The following BMP2K variants were observed in gnomAD, a reference collection of about 807,000 sequenced individuals.
BMP2K encodes the protein BMP-2-inducible protein kinase.
A neutral mutation model predicts 116.0 loss-of-function variants in BMP2K; 74 were observed. The ratio of observed to expected loss-of-function variants is 0.64; its 90% CI spans 0.53 to 0.77. BMP2K has a LOEUF of 0.77. Ranked by LOEUF, BMP2K falls within the 30% of genes least tolerant of loss-of-function variation. The pLI, the probability that BMP2K is intolerant of heterozygous loss-of-function variation, is 0.00. For missense variants in BMP2K, 1,365 were observed against 1,403.6 expected (o/e 0.97, Z 0.44); for synonymous variants, 486 against 502.5 (o/e 0.97, Z 0.44).
chr4:78,785,403 C>T (rs57574345), intron 1 of BMP2K, among the ~76,000 whole-genome samples: 9,725 of 152,096 alleles, frequency 0.064, 430 homozygotes, highest in East Asian at 0.22. Context: ...TGAGCCACTG[C>T]GCCCGGCCTA....
rs182977392 is a variant in BMP2K at position 78,804,414 on chromosome 4, G to A, written c.179-21623G>A. Among the ~76,000 whole-genome samples, 395 of 152,050 alleles carry A rather than the reference G, an allele frequency of 2.6e-3. 1 individual carries two copies. The highest frequency in any genetic ancestry group is 4.5e-3 in the Non-Finnish European group (303 of 67,966). On this transcript the variant is annotated intron_variant, in intron 1 of 15. Coordinates refer to ENST00000502613, the MANE Select transcript of BMP2K (RefSeq NM_198892.2). ...TGAACATTTACGTAAAATTTTTTGCGTGGATATATATTTTAGATTGTTCTA... is the reference window on the plus strand; with the variant it reads ...TGAACATTTACGTAAAATTTTTTGCATGGATATATATTTTAGATTGTTCTA...
intron 1 of BMP2K, among the ~76,000 whole-genome samples, chr4:78,795,572 A>G (rs1728216049): frequency 6.6e-6 from 1 of 152,158 alleles, no homozygotes; most frequent in African/African-American, 2.4e-5. Flanking sequence ...TCTGCACAGC[A>G]AAAGAAACTA....
intron 6 of BMP2K, 35 bp downstream of exon 6, chr4:78,847,304 A>T: frequency 6.8e-7 from 1 of 1,464,802 alleles, no homozygotes; most frequent in Non-Finnish European, 9.2e-7. Flanking sequence ...TGCTCTAACC[A>T]AATTAAAAAA....
At chr4:78,882,028 G>A (rs1732900631) in intron 14 of BMP2K, among the ~76,000 whole-genome samples, 1 of 151,930 alleles carries the variant, frequency 6.6e-6, no homozygotes, top group African/African-American at 2.4e-5. Context: ...GTCCTTAAAA[G>A]TATAGGTATT....
rs576537495 is a variant in BMP2K, at chr4:78,911,216, T to C, written c.2669T>C (p.Leu890Pro). Residue 890 changes from leucine to proline, a missense_variant, in exon 16 of 16, where the codon CTG becomes CCG. Coordinates refer to ENST00000502613, the MANE Select transcript of BMP2K (RefSeq NM_198892.2). The part of the protein sequence containing the change: ...LPQHRFPAAG[L>P]EQEEFDVFTK... ...CAACACAGGTTTCCTGCTGCAGGAC[T>C]GGAGCAGGAGGAATTTGATGTATTC... The C allele has an allele frequency of 6.2e-6, 10 of 1,613,882 alleles. No individual in the cohort carries two copies. Among genetic ancestry groups the C allele is most frequent in the Non-Finnish European group, 8.5e-6 (10 of 1,179,832 alleles).
At chr4:78,794,608 C>G (rs1196455821) in intron 1 of BMP2K, among the ~76,000 whole-genome samples, 1 of 151,992 alleles carries the variant, frequency 6.6e-6, no homozygotes, top group Non-Finnish European at 1.5e-5. Context: ...TGTCCTTGCT[C>G]TGTCATGGTA....
intron 7 of BMP2K, among the ~76,000 whole-genome samples, chr4:78,851,583 A>G (rs1731253779): frequency 6.6e-6 from 1 of 152,098 alleles, no homozygotes; most frequent in South Asian, 2.1e-4. Flanking sequence ...TGTTTTCTGC[A>G]TTCAAGTACC....
At chr4:78,847,497 G>T in intron 6 of BMP2K, among the ~76,000 whole-genome samples, 1 of 151,444 alleles carries the variant, frequency 6.6e-6, no homozygotes, top group South Asian at 2.1e-4. Context: ...TCCATATAAT[G>T]TAACTTTTTA....
chr4:78,857,709 A>C (rs1236721625), intron 7 of BMP2K, among the ~76,000 whole-genome samples: 2 of 152,128 alleles, frequency 1.3e-5, no homozygotes, highest in South Asian at 4.1e-4. Flanking sequence ...ACTCACTGCT[A>C]TTCCTTAAGG....
At chr4:78,859,557 T>G (rs377394728) in intron 7 of BMP2K, 27 bp from the exon 8 acceptor site, 6 of 1,498,976 alleles carry the variant, frequency 4.0e-6, no homozygotes, top group Admixed American at 1.8e-5. Context: ...TCATAAAACT[T>G]CTTAACATTT....
chr4:78,875,189 G>A (rs567991620), intron 13 of BMP2K, among the ~76,000 whole-genome samples: 1 of 152,180 alleles, frequency 6.6e-6, no homozygotes, highest in Admixed American at 6.5e-5. Context: ...AGTATCTTCT[G>A]TAACAATTTA....
intron 1 of BMP2K, among the ~76,000 whole-genome samples, chr4:78,823,865 C>T (rs1729752723): frequency 6.6e-6 from 1 of 152,134 alleles, no homozygotes; most frequent in South Asian, 2.1e-4. Flanking sequence ...TTTCTCTCAG[C>T]TGTACTCATA....
At chr4:78,853,877 A>G (rs1381674239) in intron 7 of BMP2K, among the ~76,000 whole-genome samples, 2 of 152,150 alleles carry the variant, frequency 1.3e-5, no homozygotes, top group Non-Finnish European at 1.5e-5. Context: ...TAGTACTACA[A>G]CTACTCTTGA....
At chr4:78,795,886 AAAC>A (rs1728238937) in intron 1 of BMP2K, among the ~76,000 whole-genome samples, 1 of 151,868 alleles carries the variant, frequency 6.6e-6, no homozygotes, top group South Asian at 2.1e-4. Context: ...AAAAGTCAGG[AAAC>A]AACAGGTGCT....
intron 3 of BMP2K, 87 bp downstream of exon 3, chr4:78,833,774 C>G: frequency 1.3e-6 from 1 of 786,148 alleles, no homozygotes; most frequent in South Asian, 1.6e-5. Context: ...AGGGTAGCTG[C>G]TAACTAATTC....
chr4:78,776,791 G>T, intron 1 of BMP2K, 70 bp downstream of exon 1: 2 of 1,190,450 alleles, frequency 1.7e-6, no homozygotes, highest in Non-Finnish European at 1.0e-6. Flanking sequence ...GCTTCTCCGG[G>T]TCCTCGCCCT....
Position 78,878,857 on chromosome 4 carries a change from A to T in BMP2K, c.1917A>T (p.Glu639Asp). The part of the protein sequence containing the change: ...EDNFSKLTEE[E>D]LLDREFDLLR... ...ATTTCTCTAAGTTAACAGAAGAGGA[A>T]CTATTGGACAGAGAATTTGACCTTC... Residue 639 changes from glutamate (E) to aspartate (D), a missense_variant, in exon 14 of 16, where the codon GAA (glutamate) becomes GAT (aspartate). This residue lies in a region of BMP2K where 7 missense variants were observed against 23.6 expected (regional missense o/e 0.30). Coordinates refer to ENST00000502613, the MANE Select transcript of BMP2K (RefSeq NM_198892.2). 6.2e-7 allele frequency: 1 copy of T among 1,613,420 alleles called. No homozygotes were observed. The highest frequency in any genetic ancestry group is 1.1e-5 in the South Asian group (1 of 90,918).
intron 1 of BMP2K, among the ~76,000 whole-genome samples, chr4:78,799,894 A>G (rs1728487097): frequency 1.3e-5 from 2 of 152,226 alleles, no homozygotes; most frequent in Non-Finnish European, 1.5e-5. Flanking sequence ...GAAAACAACA[A>G]TAATAACTAG....
chr4:78,876,169 T>C (rs1036123385), intron 13 of BMP2K, among the ~76,000 whole-genome samples: 2 of 152,140 alleles, frequency 1.3e-5, no homozygotes, highest in African/African-American at 2.4e-5. Flanking sequence ...GTGATTCATA[T>C]AGGGAATCCG....
Sources: gnomAD v4.1 joint callset for allele counts (sites outside exome capture counted in the v4.1 genomes callset) on GRCh38, gnomAD v4.1.1 for gene constraint, gnomAD v4.1.1 regional missense constraint, MANE v1.5 for transcripts, NCBI Gene and HGNC (gene_info 2026-07-23, HGNC 2026-07-21) for gene names.